Variants in NCKAP1L observed in about 807,000 individuals in gnomAD.
NCKAP1L encodes NCK associated protein 1 like.
In NCKAP1L, 53 loss-of-function variants were observed where a neutral mutation model predicts 139.2. That is an observed-to-expected ratio of 0.38 (90% CI 0.31 to 0.48). The LOEUF (loss-of-function observed/expected upper bound fraction) is 0.48, where lower values mean the gene tolerates loss of function less well. NCKAP1L is among the 20% of genes least tolerant of loss of function. NCKAP1L has a pLI of 0.98. For missense variants in NCKAP1L, 1,151 were observed against 1,381.9 expected, an observed-to-expected ratio of 0.83 and a Z score of 2.65; for synonymous variants, 468 against 499.7, an observed-to-expected ratio of 0.94 and a Z score of 0.85.
At chr12:54,523,293 T>A (rs2120934695) in intron 18 of NCKAP1L, 101 bp from the exon 19 acceptor site, 1 of 1,362,656 alleles carries the variant, frequency 7.3e-7, no homozygotes, top group East Asian at 2.3e-5. Context: ...GGCAGAAAGA[T>A]AAAATAACAG....
intron 7 of NCKAP1L, among the ~76,000 whole-genome samples, chr12:54,510,676 A>ATT (rs59196940): frequency 6.3e-4 from 87 of 138,878 alleles, no homozygotes; most frequent in East Asian, 1.9e-3. Context: ...CACCTGGGTA[A>ATT]TTTTTTTTTT....
rs1242903364 is a variant in NCKAP1L, at chr12:54,523,944, C to G, written c.2144C>G (p.Ala715Gly). ...GAGTACCTCAGCAGCCACCTGGAGG[C>G]CAGACTCAACAGGTATCACTCTTTC... is the stretch of plus-strand genomic sequence containing the variant. ...PSEYLSSHLE[A>G]RLNRAIVWLA... The change falls in exon 20 of 31, where the codon GCC (alanine) becomes GGC (glycine). Residue 715 changes from alanine to glycine, a missense_variant. Physicochemically the swap from Ala to Gly is moderately conservative, Grantham distance 60. Coordinates refer to ENST00000293373, the MANE Select transcript of NCKAP1L (RefSeq NM_005337.5). The G allele has an allele frequency of 6.2e-7, 1 of 1,613,572 alleles. No individual in the cohort carries two copies. Among genetic ancestry groups the G allele is most frequent in the East Asian group, 2.2e-5 (1 of 44,898 alleles).
At chr12:54,519,115 C>A in intron 15 of NCKAP1L, 72 bp from the exon 16 acceptor site, 6 of 1,564,324 alleles carry the variant, frequency 3.8e-6, no homozygotes, top group Admixed American at 2.0e-5. Context: ...TCAGGCCAAA[C>A]TGTAATTCCA....
intron 3 of NCKAP1L, among the ~76,000 whole-genome samples, chr12:54,502,699 C>G (rs1032353030): frequency 1.3e-5 from 2 of 151,562 alleles, no homozygotes; most frequent in African/African-American, 2.4e-5. Flanking sequence ...GGAAATATAA[C>G]ATTATGGCTG....
chr12:54,526,876 C>T (rs1957031502), intron 21 of NCKAP1L, 130 bp downstream of exon 21: 1 of 724,112 alleles, frequency 1.4e-6, no homozygotes, highest in East Asian at 2.7e-5. Flanking sequence ...GTTGCTTCTC[C>T]TTGAGGAATG....
At chr12:54,519,032 T>C in intron 15 of NCKAP1L, 60 bp downstream of exon 15, 2 of 1,567,650 alleles carry the variant, frequency 1.3e-6, no homozygotes, top group Non-Finnish European at 1.8e-6. Context: ...CCACAATCCC[T>C]TCTCTTTTTA....
intron 3 of NCKAP1L, among the ~76,000 whole-genome samples, chr12:54,501,181 G>A (rs947890472): frequency 6.6e-6 from 1 of 152,050 alleles, no homozygotes; most frequent in Admixed American, 6.5e-5. Flanking sequence ...ACTATTCTAA[G>A]TACCTTATAT....
intron 1 of NCKAP1L, among the ~76,000 whole-genome samples, chr12:54,498,145 G>GGGGTGA (rs1483571711): frequency 6.6e-6 from 1 of 152,108 alleles, no homozygotes; most frequent in Admixed American, 6.5e-5. Context: ...TCTGGGGATG[G>GGGGTGA]GGGTGAGGGT....
rs186439627 is a variant in NCKAP1L, at chr12:54,547,586, G to C, written c.*4901G>C. On this transcript the variant is annotated 3_prime_UTR_variant, in exon 31 of 31. Coordinates refer to ENST00000293373, the MANE Select transcript of NCKAP1L (RefSeq NM_005337.5). ...AGGGGGTCTTGGGAGAGCAGGATGT[G>C]ACACTGTGTTAACAAGAAATGTTGA... The C allele has an allele frequency of 6.6e-6, 1 of 151,890 alleles. No individual in the cohort carries two copies. 9.4% of individuals were successfully genotyped at this position (151,890 alleles called of 1,614,324 possible).
rs150859123 is a variant in NCKAP1L, at chr12:54,504,779, G to A, written c.307-3074G>A. ...GGAAATAAGATTTACTGTGTGAGGC[G>A]TCTGTGAGAATTAAATGAGATAATG... On this transcript the variant is annotated intron_variant, in intron 3 of 30. Transcript: ENST00000293373. Among the ~76,000 whole-genome samples, 228 of 152,284 alleles carry A rather than the reference G, an allele frequency of 1.5e-3. 4 individuals carry two copies. The East Asian group carries it at 0.033, about 22-fold the overall frequency.
chr12:54,537,812 A>C (rs914743777), intron 29 of NCKAP1L, among the ~76,000 whole-genome samples: 2 of 152,130 alleles, frequency 1.3e-5, no homozygotes, highest in Admixed American at 6.5e-5. Context: ...AGGGACTGGA[A>C]CTTAAAACTA....
In NCKAP1L at chr12:54,506,796, A is replaced by AAAAAAT; in HGVS notation, c.307-1056_307-1055insAAAATA. Among the ~76,000 whole-genome samples, 307 of 50,604 alleles carry AAAAAAT rather than the reference A, an allele frequency of 6.1e-3. 4 individuals carry two copies. The highest frequency in any genetic ancestry group is 0.016 in the African/African-American group (149 of 9,056). The allele number at this position is 50,604 out of a possible 152,430, so 33.2% of individuals were successfully genotyped here. On this transcript the variant is annotated intron_variant, in intron 3 of 30. Coordinates refer to ENST00000293373, the MANE Select transcript of NCKAP1L (RefSeq NM_005337.5). ...TTTTGGCAACATATTAAAAAAAAAA[A>AAAAAAT]ATATATATATATATATATATATATA...
intron 2 of NCKAP1L, among the ~76,000 whole-genome samples, chr12:54,499,986 C>A (rs988125637): frequency 6.6e-6 from 1 of 152,130 alleles, no homozygotes; most frequent in East Asian, 1.9e-4. Context: ...CTCATTTAGC[C>A]CTCTGTATCT....
chr12:54,516,138 C>G (rs1054031159), intron 9 of NCKAP1L, 101 bp from the exon 10 acceptor site: 4 of 1,214,136 alleles, frequency 3.3e-6, no homozygotes, highest in East Asian at 4.7e-5. Context: ...TGCCCATGCT[C>G]CCACCAGGGT....
chr12:54,500,419 C>T (rs1451055582), intron 2 of NCKAP1L, 114 bp from the exon 3 acceptor site: 12 of 728,488 alleles, frequency 1.6e-5, no homozygotes, highest in East Asian at 5.6e-5. Flanking sequence ...CCACTGCGCC[C>T]GGCCTCAACC....
In NCKAP1L at chr12:54,512,096, G is replaced by C. The variant is rs1233375297; in HGVS notation, c.932G>C (p.Ser311Thr). ...VHKVTEDLFS[S>T]LKGYGKRVAD... ...AAAGTCACCGAGGACCTGTTTAGCA[G>C]TTTGAAAGGGTGAGAGACACGAGAG... is the stretch of plus-strand genomic sequence containing the variant. Residue 311 changes from serine (S) to threonine (T), a missense_variant, in exon 9 of 31, where the codon AGT (serine) becomes ACT (threonine). Transcript: ENST00000293373. 4 of 1,613,896 alleles carry C rather than the reference G, an allele frequency of 2.5e-6. No individual in the cohort carries two copies. Among genetic ancestry groups the C allele is most frequent in the African/African-American group, 1.3e-5 (1 of 74,920 alleles).
At chr12:54,507,937 C>A (rs779656639) in intron 4 of NCKAP1L, 28 bp downstream of exon 4, 1 of 1,607,686 alleles carries the variant, frequency 6.2e-7, no homozygotes, top group Middle Eastern at 1.7e-4. Flanking sequence ...TCTCTTCTAT[C>A]GTAGAGTCAA....
intron 17 of NCKAP1L, 86 bp downstream of exon 17, chr12:54,520,912 C>T (rs1389218438): frequency 2.5e-6 from 4 of 1,572,192 alleles, no homozygotes; most frequent in Non-Finnish European, 2.6e-6. Flanking sequence ...TGATTTTGGT[C>T]CCAGAAAGGG....
rs1956978217 is a variant in NCKAP1L at position 54,520,969 on chromosome 12, T to C, written c.1758+143T>C. 3 of 1,476,702 alleles carry C rather than the reference T, an allele frequency of 2.0e-6. No homozygotes were observed. In the South Asian group the frequency reaches 3.6e-5, roughly 18 times the overall value. The allele number at this position is 1,476,702 out of a possible 1,614,324, so 91.5% of individuals were successfully genotyped here. Reference sequence around the variant, plus strand: ...TGAGTCCCTAAATATCTCAGCTTGATGTATCCTGTCTCTGGGCCTCAGTTT... The same window carrying C: ...TGAGTCCCTAAATATCTCAGCTTGACGTATCCTGTCTCTGGGCCTCAGTTT... On this transcript the variant is annotated intron_variant, in intron 17 of 30. Transcript: ENST00000293373.
Sources: allele counts gnomAD v4.1 joint callset (sites outside exome capture counted in the v4.1 genomes callset), GRCh38; gene constraint gnomAD v4.1.1; transcripts MANE v1.5; gene names NCBI Gene and HGNC (gene_info 2026-07-23, HGNC 2026-07-21).